ASIC2: variants seen among roughly 807,000 people sequenced by gnomAD.
ASIC2 encodes acid sensing ion channel subunit 2.
In ASIC2, 25 loss-of-function variants were observed where a neutral mutation model predicts 57.3. The observed-to-expected ratio is 0.44, with a 90% CI of 0.32 to 0.61. The LOEUF (loss-of-function observed/expected upper bound fraction) is 0.61, where lower values mean the gene tolerates loss of function less well. Ranked by LOEUF, ASIC2 falls within the 20% of genes least tolerant of loss-of-function variation. The pLI, the probability that ASIC2 is intolerant of heterozygous loss-of-function variation, is 0.06. For missense variants in ASIC2, 641 were observed against 738.1 expected (o/e 0.87, Z 1.52); for synonymous variants, 319 against 307.5 (o/e 1.04, Z -0.39).
At chr17:33,663,238 A>AT (rs568778283) in intron 1 of ASIC2, among the ~76,000 whole-genome samples, 40 of 152,342 alleles carry the variant, frequency 2.6e-4, no homozygotes, top group African/African-American at 9.1e-4. Flanking sequence ...TAATGGGGGA[A>AT]TGTGAGTCAA....
intron 1 of ASIC2, among the ~76,000 whole-genome samples, chr17:33,279,189 A>G (rs1181148148): frequency 1.3e-5 from 2 of 152,170 alleles, no homozygotes; most frequent in Non-Finnish European, 2.9e-5. Flanking sequence ...GAAGAGTGAG[A>G]AGCAGGGCTC....
intron 1 of ASIC2, among the ~76,000 whole-genome samples, chr17:34,097,214 C>T (rs1201924377): frequency 6.6e-6 from 1 of 152,132 alleles, no homozygotes; most frequent in East Asian, 1.9e-4. Flanking sequence ...GATGCTTTTA[C>T]CTCTTTACCT....
intron 1 of ASIC2, among the ~76,000 whole-genome samples, chr17:34,073,591 A>G (rs1909509826): frequency 6.6e-6 from 1 of 152,232 alleles, no homozygotes; most frequent in African/African-American, 2.4e-5. Context: ...ATTTTCAAGT[A>G]TCGGGGACCC....
chr17:33,896,562 G>C (rs1210093579), intron 1 of ASIC2, among the ~76,000 whole-genome samples: 1 of 152,228 alleles, frequency 6.6e-6, no homozygotes, highest in Non-Finnish European at 1.5e-5. Context: ...GCCTGCAGGG[G>C]CTCAGAGCTC....
At chr17:33,506,742 C>T (rs1914275613) in intron 1 of ASIC2, among the ~76,000 whole-genome samples, 1 of 152,190 alleles carries the variant, frequency 6.6e-6, no homozygotes, top group Non-Finnish European at 1.5e-5. Flanking sequence ...CTCTCGGATC[C>T]TCAGTTTTCT....
At chr17:33,892,917 C>A (rs1292823712) in intron 1 of ASIC2, among the ~76,000 whole-genome samples, 1 of 152,162 alleles carries the variant, frequency 6.6e-6, no homozygotes, top group Non-Finnish European at 1.5e-5. Context: ...AGGGAGCTGG[C>A]TCCCTCCTTG....
chr17:33,839,346 A>G (rs1044951234), intron 1 of ASIC2, among the ~76,000 whole-genome samples: 1 of 152,200 alleles, frequency 6.6e-6, no homozygotes, highest in African/African-American at 2.4e-5. Flanking sequence ...TTAATGATAA[A>G]CTGGCCATCA....
At position 33,179,311 on chromosome 17, in the gene ASIC2, C is replaced by G. The variant is rs556948633; in HGVS notation, c.709-67244G>C. 2.6e-5 allele frequency among the ~76,000 whole-genome samples: 4 copies of G among 152,198 alleles called. No individual in the cohort carries two copies. In the South Asian group the frequency reaches 8.3e-4, roughly 32 times the overall value. On this transcript the variant is annotated intron_variant, in intron 1 of 9. Coordinates refer to ENST00000225823, the MANE Select transcript of ASIC2 (RefSeq NM_183377.2). ...GTTAGAGGACGTTTTGCAACTACCA[C>G]AAAATAACTGTTAAATTAAAATAAA...
intron 1 of ASIC2, among the ~76,000 whole-genome samples, chr17:34,020,624 A>C (rs1907125347): frequency 6.6e-6 from 1 of 152,180 alleles, no homozygotes; most frequent in Non-Finnish European, 1.5e-5. Flanking sequence ...CATGAGAAAA[A>C]ACCAGAAGCC....
intron 1 of ASIC2, among the ~76,000 whole-genome samples, chr17:33,200,163 C>T (rs1018515949): frequency 3.3e-5 from 5 of 152,300 alleles, no homozygotes; most frequent in East Asian, 3.9e-4. Context: ...AGCTTCTCTT[C>T]GCTAGCAATA....
intron 1 of ASIC2, among the ~76,000 whole-genome samples, chr17:33,968,652 G>A (rs967841868): frequency 6.6e-6 from 1 of 152,196 alleles, no homozygotes; most frequent in Non-Finnish European, 1.5e-5. Context: ...GAAGTTGGGG[G>A]CTTCAGCTCC....
intron 1 of ASIC2, among the ~76,000 whole-genome samples, chr17:33,459,547 C>T (rs1016728689): frequency 1.3e-5 from 2 of 152,130 alleles, no homozygotes; most frequent in South Asian, 2.1e-4. Flanking sequence ...TGGAGCAGGG[C>T]GAGAAGCTGA....
chr17:33,015,796 A>G (rs1417324983), intron 9 of ASIC2, among the ~76,000 whole-genome samples, 175 bp downstream of exon 9: 1 of 152,102 alleles, frequency 6.6e-6, no homozygotes, highest in Non-Finnish European at 1.5e-5. Context: ...ACTCTCAGAG[A>G]GAGGCTCGAG....
At chr17:33,797,042 C>T (rs866327485) in intron 1 of ASIC2, among the ~76,000 whole-genome samples, 3 of 152,150 alleles carry the variant, frequency 2.0e-5, no homozygotes, top group African/African-American at 7.2e-5. Flanking sequence ...TGTTATGGGG[C>T]ATGCAGATCC....
intron 1 of ASIC2, among the ~76,000 whole-genome samples, chr17:33,211,060 A>G (rs1262375188): frequency 6.6e-6 from 1 of 152,242 alleles, no homozygotes; most frequent in Non-Finnish European, 1.5e-5. Context: ...GAGGGGATTA[A>G]TTCATGTGGT....
intron 1 of ASIC2, among the ~76,000 whole-genome samples, chr17:33,259,638 C>T (rs115464528): frequency 0.011 from 1,689 of 152,078 alleles, 33 homozygotes; most frequent in African/African-American, 0.039. Flanking sequence ...AGAGTGACAG[C>T]CTGAAGACTT....
chr17:33,240,094 A>T (rs555612870), intron 1 of ASIC2, among the ~76,000 whole-genome samples: 1 of 152,318 alleles, frequency 6.6e-6, no homozygotes, highest in South Asian at 2.1e-4. Flanking sequence ...CCCAGGAGCC[A>T]AAAACCTTCC....
rs538756811 is a variant in ASIC2 at position 33,101,270 on chromosome 17, G to A, written c.859+10647C>T. ...CCATTTGTAAAGGGGGATAAGAAAC[G>A]TGCTACCCGTGATAGCTGCTCAGGC... On this transcript the variant is annotated intron_variant, in intron 2 of 9. Coordinates refer to ENST00000225823, the MANE Select transcript of ASIC2 (RefSeq NM_183377.2). Among the ~76,000 whole-genome samples the A allele has an allele frequency of 1.2e-4, 18 of 152,328 alleles. No individual in the cohort carries two copies. The South Asian group carries it at 2.7e-3, about 23-fold the overall frequency.
chr17:33,648,125 A>G (rs1906803325), intron 1 of ASIC2, among the ~76,000 whole-genome samples: 1 of 152,184 alleles, frequency 6.6e-6, no homozygotes, highest in Non-Finnish European at 1.5e-5. Context: ...TGAATGTAGT[A>G]TTATCAAGAT....
Sources: allele counts gnomAD v4.1 joint callset (sites outside exome capture counted in the v4.1 genomes callset), GRCh38; gene constraint gnomAD v4.1.1; transcripts MANE v1.5; gene names NCBI Gene and HGNC (gene_info 2026-07-23, HGNC 2026-07-21).